Variants in RNF217 observed in about 807,000 individuals in gnomAD.
RNF217 encodes the protein ring finger protein 217, also known as E3 ubiquitin-protein ligase RNF217.
Under a neutral mutation model 57.8 loss-of-function variants are expected in RNF217, and 31 were observed. The ratio of observed to expected loss-of-function variants is 0.54; its 90% CI spans 0.40 to 0.72. The LOEUF is 0.72. Among genes scored for constraint, RNF217 ranks in the 30% least tolerant of loss-of-function variants. The pLI is 0.00. For missense variants in RNF217, 696 were observed against 708.3 expected (o/e 0.98, Z 0.20); for synonymous variants, 313 against 294.0 (o/e 1.06, Z -0.66).
chr6:125,031,193 C>T (rs560439305), intron 1 of RNF217, among the ~76,000 whole-genome samples: 8 of 152,304 alleles, frequency 5.3e-5, no homozygotes, highest in African/African-American at 1.4e-4. Context: ...GCCCAGCCCA[C>T]GAAACCACTT....
chr6:125,074,859 C>T (rs1232553434), intron 3 of RNF217, among the ~76,000 whole-genome samples: 1 of 152,178 alleles, frequency 6.6e-6, no homozygotes, highest in Non-Finnish European at 1.5e-5. Flanking sequence ...AAGGATTTGA[C>T]ACACTTGTTA....
At chr6:125,038,093 G>C (rs1786718582) in intron 1 of RNF217, among the ~76,000 whole-genome samples, 1 of 152,122 alleles carries the variant, frequency 6.6e-6, no homozygotes, top group African/African-American at 2.4e-5. Flanking sequence ...CATGTAGCTT[G>C]AACGTTAAGT....
At chr6:124,975,245 C>G (rs756089521) in intron 1 of RNF217, among the ~76,000 whole-genome samples, 2 of 152,138 alleles carry the variant, frequency 1.3e-5, no homozygotes, top group Non-Finnish European at 2.9e-5. Context: ...GCTTTTCCCC[C>G]GGTTGCTTAA....
At chr6:125,070,486 A>G (rs1270442895) in intron 3 of RNF217, among the ~76,000 whole-genome samples, 4 of 152,200 alleles carry the variant, frequency 2.6e-5, no homozygotes, top group Non-Finnish European at 4.4e-5. Context: ...TTTTCTTTTC[A>G]CCACATTCAC....
In RNF217 at chr6:124,962,961, G is replaced by A. The variant is rs1055583563; in HGVS notation, c.417G>A (p.Val139=). The change falls in exon 1 of 6, where the codon GTG becomes GTA. Residue 139 remains valine (V), a synonymous_variant. Transcript: ENST00000521654. This position sits in a 1 kb window ranked among gnomAD's most constrained non-coding sequence, Gnocchi z 4.6. The part of the protein sequence containing the change: ...PGEELEPRTR[V]GAADGLVLDV... ...AAGAGCTGGAGCCCAGGACCCGCGT[G>A]GGGGCCGCCGACGGACTGGTCCTGG... 1.9e-6 allele frequency: 3 copies of A among 1,597,280 alleles called. No individual in the cohort carries two copies. Among genetic ancestry groups the A allele is most frequent in the South Asian group, 1.1e-5 (1 of 90,964 alleles).
chr6:124,978,445 A>C (rs1357589609), intron 1 of RNF217, among the ~76,000 whole-genome samples: 1 of 150,360 alleles, frequency 6.7e-6, no homozygotes, highest in Non-Finnish European at 1.5e-5. Context: ...AGATGAGGGG[A>C]ATGCGGTGGT....
chr6:125,082,411 G>A, intron 5 of RNF217: 4 of 1,541,628 alleles, frequency 2.6e-6, no homozygotes, highest in South Asian at 1.2e-5. Flanking sequence ...TGTGAGTTAG[G>A]ACATTATGTA....
At chr6:125,037,138 A>G (rs1188146667) in intron 1 of RNF217, among the ~76,000 whole-genome samples, 2 of 149,480 alleles carry the variant, frequency 1.3e-5, no homozygotes, top group African/African-American at 2.4e-5. Context: ...GTATTGTTCT[A>G]TTCTCTTTTC....
intron 1 of RNF217, among the ~76,000 whole-genome samples, chr6:124,993,334 A>C (rs1165894855): frequency 6.6e-6 from 1 of 152,166 alleles, no homozygotes; most frequent in Non-Finnish European, 1.5e-5. Context: ...TAGAACAATA[A>C]CTGGCAGATA....
chr6:125,075,912 A>G (rs913394592), intron 3 of RNF217, among the ~76,000 whole-genome samples: 3 of 152,016 alleles, frequency 2.0e-5, no homozygotes, highest in Non-Finnish European at 4.4e-5. Flanking sequence ...TATGTTATAT[A>G]TGGTGTATGT....
intron 1 of RNF217, among the ~76,000 whole-genome samples, chr6:124,981,349 T>A (rs1784152931): frequency 6.6e-6 from 1 of 152,162 alleles, no homozygotes; most frequent in African/African-American, 2.4e-5. Flanking sequence ...CTGTGGCATA[T>A]CCCCAGGAGG....
At chr6:124,994,976 G>C (rs1400041208) in intron 1 of RNF217, among the ~76,000 whole-genome samples, 1 of 152,090 alleles carries the variant, frequency 6.6e-6, no homozygotes, top group Admixed American at 6.5e-5. Flanking sequence ...TACTAATATT[G>C]TGTAAAAATG....
intron 3 of RNF217, among the ~76,000 whole-genome samples, chr6:125,067,569 T>C (rs1048196628): frequency 1.3e-5 from 2 of 152,174 alleles, no homozygotes; most frequent in African/African-American, 4.8e-5. Context: ...GGTATCTAAA[T>C]GGATGGTGAT....
At chr6:125,047,816 A>T (rs1787153621) in intron 2 of RNF217, among the ~76,000 whole-genome samples, 1 of 152,078 alleles carries the variant, frequency 6.6e-6, no homozygotes, top group Admixed American at 6.6e-5. Context: ...AGCAGTTAAG[A>T]TCCTCAGCGG....
chr6:125,064,743 A>G (rs916676043), intron 3 of RNF217, among the ~76,000 whole-genome samples: 6 of 152,102 alleles, frequency 3.9e-5, no homozygotes, highest in Admixed American at 3.3e-4. Flanking sequence ...TGAGGACAAA[A>G]TAAGTACGTG....
At chr6:124,988,715 C>T (rs1784444834) in intron 1 of RNF217, among the ~76,000 whole-genome samples, 1 of 152,170 alleles carries the variant, frequency 6.6e-6, no homozygotes, top group Non-Finnish European at 1.5e-5. Flanking sequence ...TTTGTTTAAT[C>T]TTTAAACTTC....
chr6:125,076,624 CT>C (rs1788384726), intron 3 of RNF217, 32 bp from the exon 4 acceptor site: 2 of 1,521,996 alleles, frequency 1.3e-6, no homozygotes, highest in Non-Finnish European at 1.8e-6. Flanking sequence ...TCAGCTAACT[CT>C]TTCCTTCTCC....
In RNF217 at chr6:125,087,353, T is replaced by C. The variant is rs1446462776; in HGVS notation, c.*4416T>C. The stretch of plus-strand genomic sequence containing the variant: ...AGCAACCTGCACATAAGCCTTAATG[T>C]GAGTCTTCACATTGGATTATATTTT... On this transcript the variant is annotated 3_prime_UTR_variant, in exon 6 of 6. Transcript: ENST00000521654. The C allele has an allele frequency of 6.6e-6, 1 of 152,200 alleles. No homozygotes were observed. Among genetic ancestry groups the C allele is most frequent in the East Asian group, 1.9e-4 (1 of 5,198 alleles). 9.4% of individuals were successfully genotyped at this position (152,200 alleles called of 1,614,324 possible).
intron 4 of RNF217, 60 bp from the exon 5 acceptor site, chr6:125,081,376 G>C (rs925114042): frequency 4.0e-6 from 5 of 1,258,048 alleles, no homozygotes; most frequent in Middle Eastern, 1.9e-4. Context: ...AAGCATCACT[G>C]TAATTATTTG....
Sources: gnomAD v4.1 joint callset for allele counts (sites outside exome capture counted in the v4.1 genomes callset) on GRCh38, gnomAD v4.1.1 for gene constraint, Gnocchi (gnomAD v3.1) non-coding constraint, MANE v1.5 for transcripts, NCBI Gene and HGNC (gene_info 2026-07-23, HGNC 2026-07-21) for gene names.